TMPRSS12: variants seen among roughly 807,000 people sequenced by gnomAD.
TMPRSS12 encodes the protein transmembrane serine protease 12, also known as transmembrane protease serine 12.
A neutral mutation model predicts 26.0 loss-of-function variants in TMPRSS12; 25 were observed. The observed-to-expected ratio is 0.96, with a 90% CI of 0.70 to 1.34. TMPRSS12 has a LOEUF of 1.34. TMPRSS12 is among the 40% of genes most tolerant of loss of function. TMPRSS12 has a pLI of 0.00. For missense variants in TMPRSS12, 441 were observed against 440.1 expected (o/e 1.00, Z -0.02); for synonymous variants, 150 against 161.7 (o/e 0.93, Z 0.55).
intron 3 of TMPRSS12, among the ~76,000 whole-genome samples, chr12:50,859,717 C>T (rs1159905026): frequency 2.0e-5 from 3 of 152,182 alleles, no homozygotes; most frequent in Non-Finnish European, 2.9e-5. Context: ...CAGCTGTCTA[C>T]AATACTTAGT....
chr12:50,850,640 C>A (rs530595135), intron 2 of TMPRSS12, among the ~76,000 whole-genome samples: 4 of 152,212 alleles, frequency 2.6e-5, no homozygotes, highest in African/African-American at 9.6e-5. Flanking sequence ...ATGCCTGTGC[C>A]CCACCACTGC....
intron 1 of TMPRSS12, 32 bp downstream of exon 1, chr12:50,843,183 C>G (rs1039336885): frequency 6.6e-7 from 1 of 1,507,272 alleles, no homozygotes; most frequent in African/African-American, 1.4e-5. Flanking sequence ...CTCTGGGGAG[C>G]CTCTCTTACC....
chr12:50,869,821 A>G (rs984862092), intron 3 of TMPRSS12, among the ~76,000 whole-genome samples: 7 of 152,164 alleles, frequency 4.6e-5, no homozygotes, highest in African/African-American at 1.7e-4. Flanking sequence ...AGTGGCTCAC[A>G]CCTGTAATCC....
chr12:50,844,078 A>ATCCCC (rs1417274001), intron 2 of TMPRSS12, 41 bp downstream of exon 2: 1 of 1,442,840 alleles, frequency 6.9e-7, no homozygotes, highest in South Asian at 1.5e-5. Flanking sequence ...CTCTTAGGGG[A>ATCCCC]TATTTTGAAG....
chr12:50,865,743 G>T (rs1480582151), intron 3 of TMPRSS12, among the ~76,000 whole-genome samples: 3 of 150,402 alleles, frequency 2.0e-5, no homozygotes, highest in African/African-American at 7.3e-5. Context: ...AGAGATAAAA[G>T]AAAAATCTTT....
At chr12:50,876,893 G>A (rs1938119159) in intron 3 of TMPRSS12, among the ~76,000 whole-genome samples, 1 of 150,920 alleles carries the variant, frequency 6.6e-6, no homozygotes, top group Admixed American at 6.6e-5. Context: ...ACAGAATCAT[G>A]TCCTTTGCAG....
chr12:50,850,747 A>G (rs1937818554), intron 2 of TMPRSS12, among the ~76,000 whole-genome samples: 1 of 152,130 alleles, frequency 6.6e-6, no homozygotes. Context: ...ACATGCACAC[A>G]AGCATGAACC....
At chr12:50,875,820 C>T (rs1002129807) in intron 3 of TMPRSS12, among the ~76,000 whole-genome samples, 23 of 152,216 alleles carry the variant, frequency 1.5e-4, no homozygotes, top group East Asian at 3.9e-4. Context: ...ACCCAAGAAA[C>T]GCCATTCTGG....
chr12:50,886,417 G>A (rs1938227018), intron 4 of TMPRSS12: 1 of 151,926 alleles, frequency 6.6e-6, no homozygotes, highest in Non-Finnish European at 1.5e-5. Flanking sequence ...AGTAACCCAT[G>A]CTCTCACCTT....
At chr12:50,864,355 ATAAT>A (rs1309333087) in intron 3 of TMPRSS12, among the ~76,000 whole-genome samples, 4 of 152,266 alleles carry the variant, frequency 2.6e-5, no homozygotes, top group East Asian at 3.9e-4. Context: ...AAGATCACAA[ATAAT>A]TAATATATTT....
intron 3 of TMPRSS12, among the ~76,000 whole-genome samples, chr12:50,884,991 C>T (rs186387146): frequency 1.3e-5 from 2 of 152,100 alleles, no homozygotes; most frequent in African/African-American, 4.8e-5. Context: ...TTGCAGTGAG[C>T]CGAGATCACG....
chr12:50,862,693 T>G (rs1245754076), intron 3 of TMPRSS12, among the ~76,000 whole-genome samples: 2 of 152,092 alleles, frequency 1.3e-5, no homozygotes, highest in Non-Finnish European at 2.9e-5. Context: ...GCCCAGTTAA[T>G]TTTTGTATTT....
At chr12:50,884,304 C>A (rs1462835675) in intron 3 of TMPRSS12, among the ~76,000 whole-genome samples, 1 of 152,100 alleles carries the variant, frequency 6.6e-6, no homozygotes, top group African/African-American at 2.4e-5. Context: ...ACACAACTTA[C>A]AAAGGAAATA....
At chr12:50,845,344 CT>C (rs1565929672) in intron 2 of TMPRSS12, among the ~76,000 whole-genome samples, 1 of 152,044 alleles carries the variant, frequency 6.6e-6, no homozygotes, top group African/African-American at 2.4e-5. Context: ...CTTTTTTCTC[CT>C]GCTTCTTTGA....
rs115118546 is a variant in TMPRSS12, at chr12:50,847,446, G to A, written c.383+3409G>A. On this transcript the variant is annotated intron_variant, in intron 2 of 4. Coordinates refer to ENST00000398458, the MANE Select transcript of TMPRSS12 (RefSeq NM_182559.3). ...ATTGGGGAAAAGATTGCTTTGGGTGGTTCTGTCATCCTTTTGTTTTTTTTA... is the reference window on the plus strand; with the variant it reads ...ATTGGGGAAAAGATTGCTTTGGGTGATTCTGTCATCCTTTTGTTTTTTTTA... Among the ~76,000 whole-genome samples, 248 of 151,936 alleles carry A rather than the reference G, an allele frequency of 1.6e-3. 1 individual carries two copies. The highest frequency in any genetic ancestry group is 0.01 in the Middle Eastern group (3 of 294).
intron 3 of TMPRSS12, among the ~76,000 whole-genome samples, chr12:50,879,601 G>A (rs1011446309): frequency 6.6e-6 from 1 of 152,168 alleles, no homozygotes; most frequent in African/African-American, 2.4e-5. Flanking sequence ...TTATTAAGAA[G>A]GGTCTGACTA....
intron 3 of TMPRSS12, among the ~76,000 whole-genome samples, chr12:50,875,305 T>TA (rs1425982628): frequency 1.3e-5 from 2 of 151,712 alleles, no homozygotes; most frequent in Non-Finnish European, 2.9e-5. Context: ...GCCTGGCCAA[T>TA]ATGGTTCTAA....
intron 3 of TMPRSS12, among the ~76,000 whole-genome samples, chr12:50,877,970 T>C (rs1938128040): frequency 6.6e-6 from 1 of 152,150 alleles, no homozygotes; most frequent in African/African-American, 2.4e-5. Flanking sequence ...TGTGTAAGAC[T>C]TGTACACTGA....
intron 2 of TMPRSS12, among the ~76,000 whole-genome samples, chr12:50,847,544 CAT>C (rs1304643872): frequency 1.3e-5 from 2 of 151,840 alleles, no homozygotes; most frequent in Non-Finnish European, 2.9e-5. Context: ...TACAAGAAGA[CAT>C]AAATGAATAA....
Sources: gnomAD v4.1 joint callset for allele counts (sites outside exome capture counted in the v4.1 genomes callset) on GRCh38, gnomAD v4.1.1 for gene constraint, MANE v1.5 for transcripts, NCBI Gene and HGNC (gene_info 2026-07-23, HGNC 2026-07-21) for gene names.